Variants in RAD54L2 observed in about 807,000 individuals in gnomAD.
The protein encoded by RAD54L2 is helicase ARIP4.
In RAD54L2, 27 loss-of-function variants were observed where a neutral mutation model predicts 138.4. The ratio of observed to expected loss-of-function variants is 0.20; its 90% confidence interval spans 0.14 to 0.27. RAD54L2 has a LOEUF of 0.27. Ranked by LOEUF, RAD54L2 falls within the 10% of genes least tolerant of loss-of-function variation. RAD54L2 has a pLI of 1.00. For synonymous variants in RAD54L2, 644 were observed against 723.2 expected (o/e 0.89, Z 1.76); for missense variants, 1,396 against 1,890.2 (o/e 0.74, Z 4.85).
intron 5 of RAD54L2, 143 bp downstream of exon 5, chr3:51,629,616 T>A: frequency 1.2e-5 from 13 of 1,107,936 alleles, no homozygotes; most frequent in Non-Finnish European, 1.6e-5. Flanking sequence ...CCCAGCATTA[T>A]GGGAGGCTGA....
intron 2 of RAD54L2, among the ~76,000 whole-genome samples, chr3:51,563,028 A>G (rs551707087): frequency 7.2e-5 from 11 of 152,178 alleles, no homozygotes; most frequent in African/African-American, 2.6e-4. Flanking sequence ...TTCTTTCTTC[A>G]AAACTCTCTT....
chr3:51,642,633 T>G (rs1701168308), intron 15 of RAD54L2, among the ~76,000 whole-genome samples: 1 of 152,194 alleles, frequency 6.6e-6, no homozygotes. Flanking sequence ...ATGGCAGTAG[T>G]ATCTCTCAGT....
At chr3:51,650,713 A>T (rs961587797) in intron 19 of RAD54L2, among the ~76,000 whole-genome samples, 8 of 152,268 alleles carry the variant, frequency 5.3e-5, no homozygotes, top group African/African-American at 1.9e-4. Context: ...ATGAAGGCAG[A>T]AATAAAGATG....
At chr3:51,594,430 T>TG (rs1280213565) in intron 3 of RAD54L2, among the ~76,000 whole-genome samples, 3 of 152,136 alleles carry the variant, frequency 2.0e-5, no homozygotes, top group African/African-American at 7.2e-5. Flanking sequence ...ATTTTACAGA[T>TG]GGGGAAACTG....
At chr3:51,622,711 G>T (rs540834626) in intron 3 of RAD54L2, among the ~76,000 whole-genome samples, 1 of 152,148 alleles carries the variant, frequency 6.6e-6, no homozygotes, top group Non-Finnish European at 1.5e-5. Flanking sequence ...GAAGGAGAGG[G>T]TTGGGAGTAG....
At position 51,643,877 on chromosome 3, in the gene RAD54L2, C is replaced by T. The variant is rs1577454617; in HGVS notation, c.2353C>T (p.Leu785=). ...TTATGGTTTTCCTTCCTTCCTAGGGCTAGATGGTAGCACCCCTGCCTTTGA... is the reference window on the plus strand; with the variant it reads ...TTATGGTTTTCCTTCCTTCCTAGGGTTAGATGGTAGCACCCCTGCCTTTGA... The part of the protein sequence containing the change: ...KWVRNISYFR[L]DGSTPAFERE... The change falls in exon 16 of 23, where the codon CTA becomes TTA. Residue 785 remains leucine (L), a splice_region_variant and synonymous_variant. Coordinates refer to ENST00000684192, the MANE Select transcript of RAD54L2 (RefSeq NM_015106.4). 6.2e-7 allele frequency: 1 copy of T among 1,602,328 alleles called. No homozygotes were observed. The highest frequency in any genetic ancestry group is 2.2e-5 in the East Asian group (1 of 44,632).
In RAD54L2 at chr3:51,656,097, T is replaced by C; in HGVS notation, c.3153T>C (p.Asn1051=). Residue 1051 remains asparagine (N), a synonymous_variant, in exon 20 of 23, where the codon AAT becomes AAC. Coordinates refer to ENST00000684192, the MANE Select transcript of RAD54L2 (RefSeq NM_015106.4). The part of the protein sequence containing the change: ...GGSVSSASST[N]PSMNFPINYL... ...GTGTAAGCTCTGCCTCCAGCACAAATCCATCCATGAACTTTCCCATCAACT... is the reference window on the plus strand; with the variant it reads ...GTGTAAGCTCTGCCTCCAGCACAAACCCATCCATGAACTTTCCCATCAACT... 6.2e-7 allele frequency: 1 copy of C among 1,613,980 alleles called. No individual in the cohort carries two copies. Among genetic ancestry groups the C allele is most frequent in the Non-Finnish European group, 8.5e-7 (1 of 1,179,890 alleles).
intron 14 of RAD54L2, among the ~76,000 whole-genome samples, chr3:51,640,864 G>A (rs1701115275): frequency 6.6e-6 from 1 of 152,196 alleles, no homozygotes; most frequent in Admixed American, 6.5e-5. Context: ...GAAATTTTCA[G>A]CTGTGGAAGT....
chr3:51,584,467 A>G (rs1175085068), intron 2 of RAD54L2, among the ~76,000 whole-genome samples: 1 of 152,050 alleles, frequency 6.6e-6, no homozygotes, highest in African/African-American at 2.4e-5. Context: ...ATTGGGCTAC[A>G]TGGAGGTTTG....
At chr3:51,614,837 A>G (rs1017459215) in intron 3 of RAD54L2, among the ~76,000 whole-genome samples, 1 of 151,570 alleles carries the variant, frequency 6.6e-6, no homozygotes, top group African/African-American at 2.4e-5. Context: ...TTAAAGATAT[A>G]TTTAAATTAG....
chr3:51,620,258 ATTT>A (rs34861378), intron 3 of RAD54L2, among the ~76,000 whole-genome samples: 3 of 123,494 alleles, frequency 2.4e-5, no homozygotes, highest in Admixed American at 9.0e-5. Flanking sequence ...TGCTCAGCTA[ATTT>A]TTTTTTTTTT....
intron 3 of RAD54L2, among the ~76,000 whole-genome samples, chr3:51,599,441 G>A (rs1476952817): frequency 6.6e-6 from 1 of 152,016 alleles, no homozygotes; most frequent in Non-Finnish European, 1.5e-5. Flanking sequence ...ACTTTCAGGG[G>A]TGACACATGA....
intron 3 of RAD54L2, among the ~76,000 whole-genome samples, chr3:51,607,354 C>A (rs1042824920): frequency 6.6e-6 from 1 of 152,074 alleles, no homozygotes; most frequent in Non-Finnish European, 1.5e-5. Flanking sequence ...CAAAGCACAT[C>A]TTGCACCGCC....
At chr3:51,571,588 A>G (rs574826619) in intron 2 of RAD54L2, among the ~76,000 whole-genome samples, 2 of 151,840 alleles carry the variant, frequency 1.3e-5, no homozygotes, top group East Asian at 3.9e-4. Context: ...GGGCAGTCTC[A>G]AACTTCTGAC....
chr3:51,663,594 CAAAAAAAAA>C lies in RAD54L2; in HGVS notation c.*190_*198del. On this transcript the variant is annotated 3_prime_UTR_variant, in exon 23 of 23. Coordinates refer to ENST00000684192, the MANE Select transcript of RAD54L2 (RefSeq NM_015106.4). ...CTCTGTTGCTGTTTAACAAAAGAGG[CAAAAAAAAA>C]AAAAAAAAAAAAAAAGTCCAACACA... The C allele has an allele frequency of 2.8e-4, 15 of 54,504 alleles. No homozygotes were observed. Among genetic ancestry groups the C allele is most frequent in the Middle Eastern group, 8.5e-3 (1 of 118 alleles). 3.4% of individuals were successfully genotyped at this position (54,504 alleles called of 1,614,324 possible).
chr3:51,560,525 T>C (rs905716190), intron 2 of RAD54L2, among the ~76,000 whole-genome samples: 2 of 151,896 alleles, frequency 1.3e-5, no homozygotes, highest in African/African-American at 4.8e-5. Context: ...CACGCCTGGC[T>C]AATTTTTTAT....
chr3:51,613,213 A>C (rs1420216960), intron 3 of RAD54L2, among the ~76,000 whole-genome samples: 2 of 152,168 alleles, frequency 1.3e-5, no homozygotes, highest in Non-Finnish European at 2.9e-5. Context: ...CTGGGATTAC[A>C]GACATGAGCC....
At position 51,662,627 on chromosome 3, in the gene RAD54L2, G is replaced by T. The variant is rs779253751; in HGVS notation, c.3611G>T (p.Gly1204Val). ...SSPSTNAALP[G>V]PPAQLMDSSA... ...CCAAGCACCAATGCCGCCCTGCCTG[G>T]CCCCCCGGCCCAACTTATGGACAGC... The change falls in exon 23 of 23, where the codon GGC becomes GTC. Residue 1204 changes from glycine (G) to valine (V), a missense_variant. Gly to Val is a moderately radical substitution (Grantham distance 109, BLOSUM62 -3). Transcript: ENST00000684192. The surrounding 1 kb of genome is among the most constrained non-coding windows in gnomAD (Gnocchi z 4.6). The T allele has an allele frequency of 2.5e-6, 4 of 1,612,202 alleles. No individual in the cohort carries two copies. Among genetic ancestry groups the T allele is most frequent in the Non-Finnish European group, 3.4e-6 (4 of 1,179,028 alleles).
In RAD54L2 at chr3:51,648,762, C is replaced by T. The variant is rs539447604; in HGVS notation, c.3026+2281C>T. Among the ~76,000 whole-genome samples, 3 of 152,300 alleles carry T rather than the reference C, an allele frequency of 2.0e-5. No homozygotes were observed. The East Asian group carries it at 5.8e-4, about 29-fold the overall frequency. ...CAGAAAGGAATAGCATCAACATCAA[C>T]AGAAAGGACATCAACACCAAAACCC... On this transcript the variant is annotated intron_variant, in intron 19 of 22. Coordinates refer to ENST00000684192, the MANE Select transcript of RAD54L2 (RefSeq NM_015106.4).
Sources: allele counts gnomAD v4.1 joint callset (sites outside exome capture counted in the v4.1 genomes callset), GRCh38; gene constraint gnomAD v4.1.1; non-coding constraint Gnocchi (gnomAD v3.1); transcripts MANE v1.5; gene names NCBI Gene and HGNC (gene_info 2026-07-23, HGNC 2026-07-21).